The following OR9I1 variants were observed in gnomAD, a reference collection of about 807,000 sequenced individuals.
The protein encoded by OR9I1 is olfactory receptor family 9 subfamily I member 1, also known as olfactory receptor 9I1.
Under a neutral mutation model 11.2 loss-of-function variants are expected in OR9I1, and 7 were observed. The ratio of observed to expected loss-of-function variants is 0.62; its 90% confidence interval spans 0.36 to 1.17. The LOEUF (loss-of-function observed/expected upper bound fraction) is 1.17, where lower values mean the gene tolerates loss of function less well. Ranked by LOEUF, OR9I1 falls within the 50% of genes most tolerant of loss-of-function variation. The probability of loss-of-function intolerance (pLI) is 0.02; values close to 1 mark genes in which losing one functional copy is unlikely to be tolerated. For synonymous variants in OR9I1, 165 were observed against 153.4 expected, an observed-to-expected ratio of 1.08 and a Z score of -0.56; for missense variants, 428 against 377.2, an observed-to-expected ratio of 1.13 and a Z score of -1.12.
At chr11:58,124,085 A>T (rs1214115847) in intron 2 of OR9I1, among the ~76,000 whole-genome samples, 1 of 152,128 alleles carries the variant, frequency 6.6e-6, no homozygotes, top group African/African-American at 2.4e-5. Context: ...TTTCCAAAAT[A>T]TTTCCCAGAG....
chr11:58,120,827 T>TATATAC (rs1232813620), intron 2 of OR9I1, among the ~76,000 whole-genome samples: 17 of 145,114 alleles, frequency 1.2e-4, no homozygotes, highest in African/African-American at 3.5e-4. Context: ...TATATATATA[T>TATATAC]ACATATATTC....
At chr11:58,124,840 C>G (rs12804808) in intron 1 of OR9I1, among the ~76,000 whole-genome samples, 39,899 of 152,076 alleles carry the variant, frequency 0.26, 5,627 homozygotes, top group Middle Eastern at 0.41. Context: ...AACCATTTAT[C>G]GAACATCTTC....
In OR9I1 at chr11:58,118,019, A is replaced by G. The variant is rs1853975405; in HGVS notation, c.*481T>C. 6.6e-6 allele frequency: 1 copy of G among 152,582 alleles called. No homozygotes were observed. The highest frequency in any genetic ancestry group is 1.5e-5 in the Non-Finnish European group (1 of 68,524). 9.5% of individuals were successfully genotyped at this position (152,582 alleles called of 1,614,324 possible). A position where few individuals can be genotyped will look rare whatever the true frequency, so the allele number is the denominator to read the frequency against. On this transcript the variant is annotated 3_prime_UTR_variant, in exon 3 of 3. Transcript: ENST00000641439. ...GAGACTGAGTTTTTCCTTATACAAT[A>G]CTCCCTGCTTAGTGAGGTGATCAGT... is the stretch of plus-strand genomic sequence containing the variant.
Position 58,118,951 on chromosome 11 carries a change from G to T in OR9I1, c.494C>A (p.Thr165Asn), listed in dbSNP as rs992587413. Residue 165 changes from threonine (T) to asparagine (N), a missense_variant, in exon 3 of 3, where the codon ACC (threonine) becomes AAC (asparagine). Transcript: ENST00000641439. ...TTGATTGTCCTTACAGAAGGAGAGGGTGAAGGTGCAAGTGGTACGCAGGAT... is the reference window on the plus strand; with the variant it reads ...TTGATTGTCCTTACAGAAGGAGAGGTTGAAGGTGCAAGTGGTACGCAGGAT... ...GAILRTTCTF[T>N]LSFCKDNQIN... 6.2e-7 allele frequency: 1 copy of T among 1,613,984 alleles called. No homozygotes were observed. Among genetic ancestry groups the T allele is most frequent in the Admixed American group, 1.7e-5 (1 of 60,018 alleles).
At chr11:58,119,503 T>G in intron 2 of OR9I1, 37 bp from the exon 3 acceptor site, 1 of 1,137,932 alleles carries the variant, frequency 8.8e-7, no homozygotes, top group Non-Finnish European at 1.3e-6. Flanking sequence ...ATCTCAGAAT[T>G]GAAGGACAGA....
In OR9I1 at chr11:58,118,705, G is replaced by C. The variant is rs763208748; in HGVS notation, c.740C>G (p.Ala247Gly). The C allele has an allele frequency of 1.9e-6, 3 of 1,614,086 alleles. No individual in the cohort carries two copies. Residue 247 changes from alanine to glycine, a missense_variant, in exon 3 of 3, where the codon GCT becomes GGT. Ala to Gly is a moderately conservative substitution (Grantham distance 60). Transcript: ENST00000641439. ...AAGGGCTCCAAAGAAAAGGGCCACA[G>C]CAGTGATGTGAGAGGCACATGTGGA... ...TFSTCASHIT[A>G]VALFFGALIF...
chr11:58,119,762 G>A (rs887801569), intron 2 of OR9I1, among the ~76,000 whole-genome samples: 1 of 151,992 alleles, frequency 6.6e-6, no homozygotes, highest in African/African-American at 2.4e-5. Context: ...TCCCATCTGG[G>A]GCTGGAGTCT....
Position 58,119,189 on chromosome 11 carries a change from C to T in OR9I1, c.256G>A (p.Ala86Thr), listed in dbSNP as rs781370384. ...TAGGAGATGACCGTTTTGCCTGTGG[C>T]CAATGTGGCTAGGATCTGAGGGGTG... ...VITPQILATL[A>T]TGKTVISYGH... is the part of the protein sequence containing the mutation. The change falls in exon 3 of 3, where the codon GCC becomes ACC. Residue 86 changes from alanine to threonine, a missense_variant. Physicochemically the swap from Ala to Thr is moderately conservative, Grantham distance 58. Transcript: ENST00000641439. The T allele has an allele frequency of 6.2e-7, 1 of 1,613,936 alleles. No individual in the cohort carries two copies. Among genetic ancestry groups the T allele is most frequent in the Non-Finnish European group, 8.5e-7 (1 of 1,179,952 alleles).
chr11:58,123,944 C>G (rs1444096707), intron 2 of OR9I1, among the ~76,000 whole-genome samples: 1 of 151,900 alleles, frequency 6.6e-6, no homozygotes, highest in Non-Finnish European at 1.5e-5. Flanking sequence ...CTTGATATAC[C>G]CTTGGAAAAC....
chr11:58,122,698 CATTTTATTTT>C (rs886990090), intron 2 of OR9I1, among the ~76,000 whole-genome samples: 1 of 152,102 alleles, frequency 6.6e-6, no homozygotes, highest in Non-Finnish European at 1.5e-5. Flanking sequence ...GGCTCTTCTT[CATTTTATTTT>C]ATTTTATTAT....
At chr11:58,124,337 C>G (rs189846407) in intron 2 of OR9I1, 101 bp downstream of exon 2, 1 of 152,262 alleles carries the variant, frequency 6.6e-6, no homozygotes, top group East Asian at 1.9e-4. Flanking sequence ...TAATATGTGA[C>G]ATAAAAGAAT....
Position 58,118,859 on chromosome 11 carries a change from C to T in OR9I1, c.586G>A (p.Glu196Lys), listed in dbSNP as rs59849756. 1.9e-5 allele frequency: 30 copies of T among 1,613,938 alleles called. No homozygotes were observed. The highest frequency in any genetic ancestry group is 3.3e-5 in the South Asian group (3 of 91,076). The change falls in exon 3 of 3, where the codon GAG becomes AAG. Residue 196 changes from glutamate to lysine, a missense_variant. Transcript: ENST00000641439. ...TTGCCAAAGAAGATGATGACAATCT[C>T]GATGTTTGCTGTGTCACTGCAGGCA... Reference protein sequence around the residue: ...KLACSDTANIEIVIIFFGNFV... With the variant: ...KLACSDTANIKIVIIFFGNFV...
chr11:58,120,425 T>C (rs552688731), intron 2 of OR9I1, among the ~76,000 whole-genome samples: 1 of 152,132 alleles, frequency 6.6e-6, no homozygotes, highest in East Asian at 1.9e-4. Flanking sequence ...GAAAAGAAAA[T>C]TTATTATCTT....
At chr11:58,124,777 C>G (rs1449818775) in intron 1 of OR9I1, 138 bp from the exon 2 acceptor site, 1 of 152,106 alleles carries the variant, frequency 6.6e-6, no homozygotes, top group Non-Finnish European at 1.5e-5. Flanking sequence ...GTTCTCTGAC[C>G]CCAGAGTTGG....
intron 1 of OR9I1, among the ~76,000 whole-genome samples, chr11:58,124,867 T>C (rs1854073324): frequency 6.6e-6 from 1 of 152,176 alleles, no homozygotes; most frequent in South Asian, 2.1e-4. Context: ...CTGATCACAA[T>C]ACTATGCATT....
intron 2 of OR9I1, among the ~76,000 whole-genome samples, chr11:58,120,433 C>CT (rs1484506570): frequency 6.6e-6 from 1 of 151,720 alleles, no homozygotes; most frequent in East Asian, 1.9e-4. Context: ...AATTTATTAT[C>CT]TTTTTTTGAA....
intron 2 of OR9I1, among the ~76,000 whole-genome samples, chr11:58,121,452 C>T (rs1240968933): frequency 1.3e-5 from 2 of 152,188 alleles, no homozygotes; most frequent in African/African-American, 4.8e-5. Flanking sequence ...AACAATCCTA[C>T]TGGACAGGTG....
At chr11:58,119,795 C>T (rs956289389) in intron 2 of OR9I1, among the ~76,000 whole-genome samples, 5 of 151,526 alleles carry the variant, frequency 3.3e-5, no homozygotes, top group African/African-American at 7.4e-5. Flanking sequence ...ACCCACCACA[C>T]GGTCACTCAG....
chr11:58,122,431 T>A (rs1259390572), intron 2 of OR9I1, among the ~76,000 whole-genome samples: 1 of 152,208 alleles, frequency 6.6e-6, no homozygotes, highest in Non-Finnish European at 1.5e-5. Flanking sequence ...CCCTTCAACA[T>A]GGACTTCGCT....
Sources: allele counts gnomAD v4.1 joint callset (sites outside exome capture counted in the v4.1 genomes callset), GRCh38; gene constraint gnomAD v4.1.1; transcripts MANE v1.5; gene names NCBI Gene and HGNC (gene_info 2026-07-23, HGNC 2026-07-21).